P2RY2: variants seen among roughly 807,000 people sequenced by gnomAD.
The protein encoded by P2RY2 is purinergic receptor P2Y2, also known as P2Y purinoceptor 2.
For synonymous variants in P2RY2, 241 were observed against 231.9 expected (o/e 1.04, Z -0.35); for missense variants, 567 against 515.7 (o/e 1.10, Z -0.96).
chr11:73,221,637 A>G lies in P2RY2; in HGVS notation c.-200+3205A>G, dbSNP rs548672277. 1.3e-3 allele frequency among the ~76,000 whole-genome samples: 199 copies of G among 152,238 alleles called. 2 individuals are homozygous for G. Among genetic ancestry groups the G allele is most frequent in the African/African-American group, 4.7e-3 (195 of 41,540 alleles). ...CCTTCCACCCAAACCGCCTCTCCCCAAACTGCTTTCTGTAGGCCTGCTTGC... is the reference window on the plus strand; with the variant it reads ...CCTTCCACCCAAACCGCCTCTCCCCGAACTGCTTTCTGTAGGCCTGCTTGC... On this transcript the variant is annotated intron_variant, in intron 1 of 2. Transcript: ENST00000393597.
intron 2 of P2RY2, chr11:73,233,875 C>T (rs1188812794): frequency 6.4e-6 from 3 of 467,062 alleles, no homozygotes; most frequent in East Asian, 7.2e-5. Flanking sequence ...TCTTTGTAAA[C>T]AGATGGGCAC....
chr11:73,232,864 C>T (rs1429180146), intron 2 of P2RY2, among the ~76,000 whole-genome samples: 3 of 152,128 alleles, frequency 2.0e-5, no homozygotes, highest in Admixed American at 2.0e-4. Flanking sequence ...CCTCCTGGGA[C>T]GTTAGGCACG....
At chr11:73,228,645 C>T (rs1260992610) in intron 2 of P2RY2, among the ~76,000 whole-genome samples, 1 of 152,188 alleles carries the variant, frequency 6.6e-6, no homozygotes, top group Admixed American at 6.5e-5. Flanking sequence ...GTCTCCTGGG[C>T]TCCTGTGGCA....
intron 2 of P2RY2, among the ~76,000 whole-genome samples, chr11:73,228,977 T>G (rs966743362): frequency 3.5e-5 from 5 of 144,142 alleles, no homozygotes; most frequent in Non-Finnish European, 6.1e-5. Flanking sequence ...TGGGCCCCCA[T>G]AGCCTCTTGT....
intron 2 of P2RY2, 68 bp from the exon 3 acceptor site, chr11:73,234,088 G>A: frequency 2.0e-6 from 3 of 1,516,514 alleles, no homozygotes; most frequent in Non-Finnish European, 1.8e-6. Flanking sequence ...TGGTCAGGTG[G>A]CTGTGTCAGG....
intron 2 of P2RY2, among the ~76,000 whole-genome samples, chr11:73,230,734 G>A (rs1862428129): frequency 6.6e-6 from 1 of 152,070 alleles, no homozygotes; most frequent in Non-Finnish European, 1.5e-5. Context: ...GAGAGTCTTG[G>A]GCACATTCAA....
At chr11:73,219,527 G>A (rs1862060414) in intron 1 of P2RY2, among the ~76,000 whole-genome samples, 1 of 152,180 alleles carries the variant, frequency 6.6e-6, no homozygotes, top group African/African-American at 2.4e-5. Context: ...TCCCCCCATG[G>A]GCAGGCTCAC....
At chr11:73,232,783 TG>T (rs1178237378) in intron 2 of P2RY2, among the ~76,000 whole-genome samples, 2 of 152,204 alleles carry the variant, frequency 1.3e-5, no homozygotes, top group Non-Finnish European at 2.9e-5. Context: ...CCCTTCACAC[TG>T]CTAGAAAGTG....
At chr11:73,226,080 A>T (rs932515873) in intron 1 of P2RY2, among the ~76,000 whole-genome samples, 1 of 152,172 alleles carries the variant, frequency 6.6e-6, no homozygotes, top group Non-Finnish European at 1.5e-5. Context: ...GGACTGTGGA[A>T]GCACAGGCCT....
intron 2 of P2RY2, 94 bp from the exon 3 acceptor site, chr11:73,234,062 A>T: frequency 2.7e-6 from 4 of 1,459,500 alleles, no homozygotes; most frequent in Non-Finnish European, 3.6e-6. Flanking sequence ...TCCAAGTCAG[A>T]TGGCAATGAA....
At chr11:73,221,291 T>C (rs1479135047) in intron 1 of P2RY2, among the ~76,000 whole-genome samples, 4 of 152,238 alleles carry the variant, frequency 2.6e-5, no homozygotes, top group African/African-American at 9.6e-5. Flanking sequence ...GAGGGAGGAA[T>C]TGTATCTCCA....
At chr11:73,225,427 GT>G (rs1190565603) in intron 1 of P2RY2, among the ~76,000 whole-genome samples, 8 of 152,232 alleles carry the variant, frequency 5.3e-5, no homozygotes, top group Non-Finnish European at 1.2e-4. Context: ...TCTGGCCTTA[GT>G]TTTTCTACCT....
intron 2 of P2RY2, among the ~76,000 whole-genome samples, chr11:73,230,063 G>A (rs1332922442): frequency 2.0e-5 from 3 of 152,058 alleles, no homozygotes; most frequent in African/African-American, 2.4e-5. Context: ...ATACCCAGGG[G>A]AGGCTCTGTC....
In P2RY2 at chr11:73,236,611, G is replaced by T. The variant is rs569223527; in HGVS notation, c.*1318G>T. On this transcript the variant is annotated 3_prime_UTR_variant, in exon 3 of 3. Transcript: ENST00000393597. ...AAGCAGGCTGGACAGCTGACTCCAG[G>T]CTCAAGGCAGGGTTGGGGCTGGGTC... The T allele has an allele frequency of 1.0e-6, 1 of 985,426 alleles. No individual in the cohort carries two copies. Among genetic ancestry groups the T allele is most frequent in the African/African-American group, 1.7e-5 (1 of 57,372 alleles). 61.0% of individuals were successfully genotyped at this position (985,426 alleles called of 1,614,324 possible). A position where few individuals can be genotyped will look rare whatever the true frequency, so the allele number is the denominator to read the frequency against.
chr11:73,238,953 G>A lies in P2RY2; in HGVS notation c.*3660G>A, dbSNP rs572394047. 2.6e-5 allele frequency: 4 copies of A among 152,302 alleles called. No individual in the cohort carries two copies. Among genetic ancestry groups the A allele is most frequent in the African/African-American group, 9.6e-5 (4 of 41,550 alleles). 9.4% of individuals were successfully genotyped at this position (152,302 alleles called of 1,614,324 possible). A position where few individuals can be genotyped will look rare whatever the true frequency, so the allele number is the denominator to read the frequency against. On this transcript the variant is annotated 3_prime_UTR_variant, in exon 3 of 3. Coordinates refer to ENST00000393597, the MANE Select transcript of P2RY2 (RefSeq NM_002564.4). Reference sequence around the variant, plus strand: ...CAATATTGTCCCCACTTTCCTGGCTGGGGTCTCTTGGGCAAGTTACCTAAT... The same window carrying A: ...CAATATTGTCCCCACTTTCCTGGCTAGGGTCTCTTGGGCAAGTTACCTAAT...
rs1467385173 is a variant in P2RY2, at chr11:73,238,015, C to T, written c.*2722C>T. 2.6e-5 allele frequency among the ~76,000 whole-genome samples: 4 copies of T among 152,238 alleles called. No individual in the cohort carries two copies. The highest frequency in any genetic ancestry group is 4.8e-5 in the African/African-American group (2 of 41,456). On this transcript the variant is annotated 3_prime_UTR_variant, in exon 3 of 3. Coordinates refer to ENST00000393597, the MANE Select transcript of P2RY2 (RefSeq NM_002564.4). ...TCATGAAGGCCACTGTGAAAGGGCACGTGAGTTGCCCATCCACTGAGCAGA... is the reference window on the plus strand; with the variant it reads ...TCATGAAGGCCACTGTGAAAGGGCATGTGAGTTGCCCATCCACTGAGCAGA...
rs768416986 is a variant in P2RY2 at position 73,235,294 on chromosome 11, G to A, written c.*1G>A. 1.3e-6 allele frequency: 2 copies of A among 1,544,776 alleles called. No homozygotes were observed. The highest frequency in any genetic ancestry group is 1.4e-5 in the African/African-American group (1 of 72,874). The stretch of plus-strand genomic sequence containing the variant: ...GAACACTAAGGACATTCGGCTGTAG[G>A]AGCAGAACACTTCAGCCTGTGCAGG... On this transcript the variant is annotated 3_prime_UTR_variant, in exon 3 of 3. Coordinates refer to ENST00000393597, the MANE Select transcript of P2RY2 (RefSeq NM_002564.4).
At position 73,238,766 on chromosome 11, in the gene P2RY2, T is replaced by C. The variant is rs1321584590; in HGVS notation, c.*3473T>C. Among the ~76,000 whole-genome samples the C allele has an allele frequency of 1.3e-5, 2 of 152,176 alleles. No individual in the cohort carries two copies. Among genetic ancestry groups the C allele is most frequent in the African/African-American group, 4.8e-5 (2 of 41,432 alleles). On this transcript the variant is annotated 3_prime_UTR_variant, in exon 3 of 3. Coordinates refer to ENST00000393597, the MANE Select transcript of P2RY2 (RefSeq NM_002564.4). The stretch of plus-strand genomic sequence containing the variant: ...CAGGGTGAGTCAGAGTGAGTCCAGG[T>C]TCACCTGATGGCCAGAATCATGCCC...
At chr11:73,230,386 C>T (rs1862415904) in intron 2 of P2RY2, among the ~76,000 whole-genome samples, 1 of 152,036 alleles carries the variant, frequency 6.6e-6, no homozygotes, top group East Asian at 1.9e-4. Context: ...TCCACAGCCT[C>T]CAGTCCCACC....
Sources: allele counts gnomAD v4.1 joint callset (sites outside exome capture counted in the v4.1 genomes callset), GRCh38; gene constraint gnomAD v4.1.1; transcripts MANE v1.5; gene names NCBI Gene and HGNC (gene_info 2026-07-23, HGNC 2026-07-21).